Variants in ERBB4 observed in about 807,000 individuals in gnomAD.
ERBB4 encodes receptor tyrosine-protein kinase erbB-4.
A neutral mutation model predicts 158.0 loss-of-function variants in ERBB4; 42 were observed. The observed-to-expected ratio is 0.27, with a 90% confidence interval of 0.21 to 0.34. ERBB4 has a LOEUF of 0.34. ERBB4 is among the 10% of genes least tolerant of loss of function. The pLI is 1.00. For missense variants in ERBB4, 1,333 were observed against 1,624.1 expected (o/e 0.82, Z 3.08); for synonymous variants, 583 against 558.7 (o/e 1.04, Z -0.61).
At chr2:212,443,174 A>T (rs1448322792) in intron 1 of ERBB4, among the ~76,000 whole-genome samples, 1 of 152,136 alleles carries the variant, frequency 6.6e-6, no homozygotes, top group Non-Finnish European at 1.5e-5. Flanking sequence ...TTACTGTCCT[A>T]CCTCAGGGGT....
chr2:212,405,813 T>C (rs1355798148), intron 1 of ERBB4, among the ~76,000 whole-genome samples: 1 of 152,124 alleles, frequency 6.6e-6, no homozygotes, highest in East Asian at 1.9e-4. Context: ...ATTTCAGTTG[T>C]CTTTCAACTA....
intron 5 of ERBB4, among the ~76,000 whole-genome samples, chr2:211,743,852 C>T (rs2074875529): frequency 1.3e-5 from 2 of 152,174 alleles, no homozygotes; most frequent in South Asian, 4.1e-4. Flanking sequence ...TGTAACGTAG[C>T]TCTCAGTGTC....
intron 25 of ERBB4, among the ~76,000 whole-genome samples, chr2:211,409,737 T>C (rs1179753173): frequency 1.3e-5 from 2 of 152,014 alleles, no homozygotes; most frequent in African/African-American, 2.4e-5. Flanking sequence ...GGGGAACCAA[T>C]AGAGCAATAG....
In ERBB4 at chr2:211,377,130, T is replaced by C. The variant is rs896679960; in HGVS notation, c.*6485A>G. Reference sequence around the variant, plus strand: ...CCCCTCACTCCCCCCTCCCAGCCCCTGAGAGATCCAGAAATATACAGGAAA... The same window carrying C: ...CCCCTCACTCCCCCCTCCCAGCCCCCGAGAGATCCAGAAATATACAGGAAA... On this transcript the variant is annotated 3_prime_UTR_variant, in exon 28 of 28. Transcript: ENST00000342788. 1 of 230,990 alleles carries C rather than the reference T, an allele frequency of 4.3e-6. No individual in the cohort carries two copies. Among genetic ancestry groups the C allele is most frequent in the East Asian group, 6.1e-5 (1 of 16,288 alleles). 14.3% of individuals were successfully genotyped at this position (230,990 alleles called of 1,614,324 possible). A position where few individuals can be genotyped will look rare whatever the true frequency, so the allele number is the denominator to read the frequency against.
In ERBB4 at chr2:211,514,093, T is replaced by A. The variant is rs539516211; in HGVS notation, c.2487+47810A>T. 6.6e-5 allele frequency among the ~76,000 whole-genome samples: 10 copies of A among 152,230 alleles called. No individual in the cohort carries two copies. In the East Asian group the frequency reaches 1.5e-3, roughly 23 times the overall value. On this transcript the variant is annotated intron_variant, in intron 20 of 27. Transcript: ENST00000342788. Reference sequence around the variant, plus strand: ...ACTTATTCTTTCTATCTAACTGTATTTTTGTACTCATTAGCAAATCTCTCT... The same window carrying A: ...ACTTATTCTTTCTATCTAACTGTATATTTGTACTCATTAGCAAATCTCTCT...
intron 1 of ERBB4, among the ~76,000 whole-genome samples, chr2:212,306,184 T>C (rs1446375190): frequency 6.6e-6 from 1 of 151,448 alleles, no homozygotes; most frequent in African/African-American, 2.4e-5. Context: ...TTGATTTTCA[T>C]ATAAAGAAGT....
chr2:211,544,547 G>A (rs1050777789), intron 20 of ERBB4, among the ~76,000 whole-genome samples: 2 of 151,898 alleles, frequency 1.3e-5, no homozygotes, highest in Admixed American at 6.6e-5. Context: ...ACACACTTAG[G>A]ACCTCTTTAA....
chr2:212,092,829 G>A (rs980922688), intron 2 of ERBB4, among the ~76,000 whole-genome samples: 9 of 152,110 alleles, frequency 5.9e-5, no homozygotes, highest in Middle Eastern at 3.2e-3. Context: ...GGCTAGGGGA[G>A]GGATAGCATT....
intron 2 of ERBB4, among the ~76,000 whole-genome samples, chr2:212,088,117 C>A (rs1575614530): frequency 6.6e-6 from 1 of 152,180 alleles, no homozygotes; most frequent in Admixed American, 6.6e-5. Context: ...TAATTAAAAT[C>A]TGCTGGGAAA....
intron 25 of ERBB4, among the ~76,000 whole-genome samples, chr2:211,416,814 T>C (rs924461025): frequency 4.0e-4 from 32 of 80,014 alleles, no homozygotes; most frequent in African/African-American, 3.7e-3. Flanking sequence ...AAGCCTTCCC[T>C]TTTTTTTTTT....
In ERBB4 at chr2:211,376,987, A is replaced by G; in HGVS notation, c.*6628T>C. 4.3e-6 allele frequency: 1 copy of G among 233,210 alleles called. No individual in the cohort carries two copies. Among genetic ancestry groups the G allele is most frequent in the Non-Finnish European group, 8.5e-6 (1 of 117,690 alleles). 14.4% of individuals were successfully genotyped at this position (233,210 alleles called of 1,614,324 possible). ...TAACAGCAGTACCAGTTTATGCTAC[A>G]TATTTCAAAGTACCTTACTTTAAAA... On this transcript the variant is annotated 3_prime_UTR_variant, in exon 28 of 28. Coordinates refer to ENST00000342788, the MANE Select transcript of ERBB4 (RefSeq NM_005235.3).
At chr2:211,727,494 A>G (rs2074303960) in intron 5 of ERBB4, among the ~76,000 whole-genome samples, 1 of 152,094 alleles carries the variant, frequency 6.6e-6, no homozygotes, top group Non-Finnish European at 1.5e-5. Flanking sequence ...GGTAAATCAT[A>G]TATTGCCAAC....
At chr2:211,481,557 C>A (rs1320972336) in intron 20 of ERBB4, among the ~76,000 whole-genome samples, 1 of 149,574 alleles carries the variant, frequency 6.7e-6, no homozygotes, top group Non-Finnish European at 1.5e-5. Context: ...AAACCAATAT[C>A]TACTCTCTGG....
intron 2 of ERBB4, among the ~76,000 whole-genome samples, chr2:211,982,233 A>G (rs1357508763): frequency 6.6e-6 from 1 of 152,164 alleles, no homozygotes; most frequent in Non-Finnish European, 1.5e-5. Flanking sequence ...ACTAAAGGAT[A>G]GTACAAGCAG....
intron 3 of ERBB4, among the ~76,000 whole-genome samples, chr2:211,934,926 T>TAAAAA (rs34614862): frequency 1.8e-4 from 16 of 86,648 alleles, no homozygotes; most frequent in African/African-American, 3.2e-4. Flanking sequence ...CTCATTCAGC[T>TAAAAA]AAAAAAAAAA....
At chr2:211,990,050 A>AAAT (rs1387226679) in intron 2 of ERBB4, among the ~76,000 whole-genome samples, 4 of 152,132 alleles carry the variant, frequency 2.6e-5, no homozygotes, top group African/African-American at 9.6e-5. Context: ...GAATGAAAAA[A>AAAT]AAAATAGACA....
At chr2:211,790,599 A>G (rs2076257685) in intron 3 of ERBB4, among the ~76,000 whole-genome samples, 1 of 152,040 alleles carries the variant, frequency 6.6e-6, no homozygotes, top group African/African-American at 2.4e-5. Flanking sequence ...GGGATTTAGA[A>G]AGGAGACAAT....
chr2:211,934,019 G>C (rs2080245443), intron 3 of ERBB4, among the ~76,000 whole-genome samples: 1 of 151,958 alleles, frequency 6.6e-6, no homozygotes, highest in African/African-American at 2.4e-5. Context: ...ATTAGTTAGA[G>C]GGTTTCTAAA....
chr2:211,600,472 C>T (rs993402818), intron 19 of ERBB4, among the ~76,000 whole-genome samples: 6 of 151,896 alleles, frequency 4.0e-5, no homozygotes, highest in Admixed American at 3.9e-4. Flanking sequence ...CCATTTCCAT[C>T]AGGAAAAAAT....
Sources: gnomAD v4.1 joint callset for allele counts (sites outside exome capture counted in the v4.1 genomes callset) on GRCh38, gnomAD v4.1.1 for gene constraint, MANE v1.5 for transcripts, NCBI Gene and HGNC (gene_info 2026-07-23, HGNC 2026-07-21) for gene names.